The following EHMT1 variants were observed in gnomAD, a reference collection of about 807,000 sequenced individuals.
EHMT1 encodes euchromatic histone lysine methyltransferase 1.
In EHMT1, 15 loss-of-function variants were observed where a neutral mutation model predicts 147.2. The ratio of observed to expected loss-of-function variants is 0.10; its 90% CI spans 0.07 to 0.16. The LOEUF (loss-of-function observed/expected upper bound fraction) is 0.16. Among genes scored for constraint, EHMT1 ranks in the 10% least tolerant of loss-of-function variants. The probability of loss-of-function intolerance (pLI) is 1.00; values close to 1 mark genes in which losing one functional copy is unlikely to be tolerated. For synonymous variants in EHMT1, 795 were observed against 709.6 expected (o/e 1.12, Z -1.91); for missense variants, 1,587 against 1,772.4 (o/e 0.90, Z 1.88).
chr9:137,782,325 C>G lies in EHMT1; in HGVS notation c.2310C>G (p.His770Gln). The stretch of plus-strand genomic sequence containing the variant: ...TTGACCCCAACTTCAAAATGGAGCA[C>G]CAGAATAAGCGCTCTCCACTGCACG... The part of the protein sequence containing the change: ...DGIDPNFKME[H>Q]QNKRSPLHAA... Residue 770 changes from histidine (H) to glutamine (Q), a missense_variant, in exon 15 of 27, where the codon CAC becomes CAG. This residue lies in a region of EHMT1 where 201 missense variants were observed against 350.1 expected (regional missense o/e 0.57). Coordinates refer to ENST00000460843, the MANE Select transcript of EHMT1 (RefSeq NM_024757.5). This position sits in a 1 kb window ranked among gnomAD's most constrained non-coding sequence, Gnocchi z 5.7. The G allele has an allele frequency of 1.2e-6, 2 of 1,613,670 alleles. No individual in the cohort carries two copies. The highest frequency in any genetic ancestry group is 2.2e-5 in the South Asian group (2 of 91,058).
chr9:137,648,703 G>A (rs577646982), intron 1 of EHMT1, among the ~76,000 whole-genome samples: 1 of 152,268 alleles, frequency 6.6e-6, no homozygotes, highest in Admixed American at 6.5e-5. Context: ...AAACATGTTA[G>A]TTCTCCCAAG....
At chr9:137,664,538 C>T (rs1177195538) in intron 1 of EHMT1, among the ~76,000 whole-genome samples, 3 of 151,802 alleles carry the variant, frequency 2.0e-5, no homozygotes, top group East Asian at 3.9e-4. Context: ...GGATTACAGG[C>T]GTGAGCAACT....
Position 137,786,373 on chromosome 9 carries a change from A to C in EHMT1, c.2382+3976A>C, listed in dbSNP as rs1951966367. 6.6e-6 allele frequency: 1 copy of C among 152,188 alleles called. No homozygotes were observed. The highest frequency in any genetic ancestry group is 1.5e-5 in the Non-Finnish European group (1 of 68,062). The allele number at this position is 152,188 out of a possible 1,614,324, so 9.4% of individuals were successfully genotyped here. A position where few individuals can be genotyped will look rare whatever the true frequency, so the allele number is the denominator to read the frequency against. On this transcript the variant is annotated intron_variant, in intron 15 of 26. Coordinates refer to ENST00000460843, the MANE Select transcript of EHMT1 (RefSeq NM_024757.5). This position sits in a 1 kb window ranked among gnomAD's most constrained non-coding sequence, Gnocchi z 4.3. Reference sequence around the variant, plus strand: ...AGCGGTTTTCCTGAGATTCTCCAGGAAGAGAGAGAGATTGGCTTTATCTCT... The same window carrying C: ...AGCGGTTTTCCTGAGATTCTCCAGGCAGAGAGAGAGATTGGCTTTATCTCT...
intron 1 of EHMT1, among the ~76,000 whole-genome samples, chr9:137,635,486 A>AT (rs1400564034): frequency 6.8e-6 from 1 of 147,148 alleles, no homozygotes; most frequent in Non-Finnish European, 1.5e-5. Flanking sequence ...AAGTGTTGGG[A>AT]TTACAGGCAT....
At chr9:137,833,900 C>T (rs990124664) in intron 25 of EHMT1, among the ~76,000 whole-genome samples, 17 of 152,256 alleles carry the variant, frequency 1.1e-4, no homozygotes, top group African/African-American at 3.6e-4. Context: ...TCCTCGTCAC[C>T]AAGACAGTGT....
chr9:137,758,942 A>G (rs111322490), intron 9 of EHMT1, among the ~76,000 whole-genome samples: 1 of 152,274 alleles, frequency 6.6e-6, no homozygotes, highest in Non-Finnish European at 1.5e-5. Context: ...CCTGGCTGAC[A>G]TGATGAAACC....
chr9:137,670,971 C>T (rs893591793), intron 1 of EHMT1, among the ~76,000 whole-genome samples: 3 of 152,166 alleles, frequency 2.0e-5, no homozygotes, highest in Non-Finnish European at 4.4e-5. Flanking sequence ...TTGGCTTTGT[C>T]ATCGTCCACT....
chr9:137,708,477 AT>A (rs1268237784), intron 1 of EHMT1, among the ~76,000 whole-genome samples: 1 of 152,196 alleles, frequency 6.6e-6, no homozygotes, highest in African/African-American at 2.4e-5. Context: ...GGCACTGGGC[AT>A]TTGGGGAGTG....
chr9:137,778,120 TC>T, intron 13 of EHMT1, 65 bp downstream of exon 13: 1 of 1,598,864 alleles, frequency 6.3e-7, no homozygotes. Flanking sequence ...CCCGCGTTTT[TC>T]CCCATGGTGT....
chr9:137,797,090 G>A lies in EHMT1; in HGVS notation c.2506-1723G>A, dbSNP rs144023254. On this transcript the variant is annotated intron_variant, in intron 16 of 26. Coordinates refer to ENST00000460843, the MANE Select transcript of EHMT1 (RefSeq NM_024757.5). The stretch of plus-strand genomic sequence containing the variant: ...GAGATCCGTGGGAATGATGAGTAAC[G>A]AATTCAGGATAGTGATAACTTCTCG... Among the ~76,000 whole-genome samples, 550 of 152,150 alleles carry A rather than the reference G, an allele frequency of 3.6e-3. 3 individuals are homozygous for A. Among genetic ancestry groups the A allele is most frequent in the African/African-American group, 0.012 (512 of 41,512 alleles).
chr9:137,687,010 T>C (rs1942511428), intron 1 of EHMT1, among the ~76,000 whole-genome samples: 1 of 152,182 alleles, frequency 6.6e-6, no homozygotes, highest in African/African-American at 2.4e-5. Context: ...ATTACAGGCA[T>C]GAGCCACCGC....
chr9:137,778,739 T>C (rs928509819), intron 13 of EHMT1, among the ~76,000 whole-genome samples: 5 of 152,164 alleles, frequency 3.3e-5, no homozygotes, highest in Non-Finnish European at 7.3e-5. Context: ...CCCTTGGTGA[T>C]TGTGTTAGTC....
intron 2 of EHMT1, 130 bp downstream of exon 2, chr9:137,711,160 C>A: frequency 1.1e-6 from 1 of 883,330 alleles, no homozygotes; most frequent in Non-Finnish European, 1.7e-6. Flanking sequence ...GGTATAGTTT[C>A]TAATCTATCC....
At chr9:137,693,226 A>G (rs1943092112) in intron 1 of EHMT1, among the ~76,000 whole-genome samples, 1 of 152,140 alleles carries the variant, frequency 6.6e-6, no homozygotes, top group African/African-American at 2.4e-5. Context: ...TGAACAGTTC[A>G]AGTTAGCGGG....
Position 137,813,118 on chromosome 9 carries a change from G to C in EHMT1, c.2980G>C (p.Ala994Pro), listed in dbSNP as rs779016395. 2 of 1,613,114 alleles carry C rather than the reference G, an allele frequency of 1.2e-6. No individual in the cohort carries two copies. The highest frequency in any genetic ancestry group is 1.3e-5 in the African/African-American group (1 of 75,056). Residue 994 changes from alanine (A) to proline (P), a missense_variant, in exon 20 of 27, where the codon GCT becomes CCT. By Grantham distance (27) the Ala-to-Pro change is conservative (BLOSUM62 -1). This residue lies in a region of EHMT1 where 78 missense variants were observed against 68.9 expected (regional missense o/e 1.13). Coordinates refer to ENST00000460843, the MANE Select transcript of EHMT1 (RefSeq NM_024757.5). This position sits in a 1 kb window ranked among gnomAD's most constrained non-coding sequence, Gnocchi z 4.9. ...GTGGAGCGCTCTGCAGATGAGCAAGGCTCTGCAGGACTCGGCCCCCGACAG... is the reference window on the plus strand; with the variant it reads ...GTGGAGCGCTCTGCAGATGAGCAAGCCTCTGCAGGACTCGGCCCCCGACAG... ...QVWSALQMSK[A>P]LQDSAPDRPS...
At chr9:137,707,706 A>G (rs990173325) in intron 1 of EHMT1, among the ~76,000 whole-genome samples, 1 of 152,190 alleles carries the variant, frequency 6.6e-6, no homozygotes, top group Non-Finnish European at 1.5e-5. Context: ...ACAAAACTTA[A>G]TTTCGTGGGT....
At chr9:137,793,859 A>C (rs578063979) in intron 16 of EHMT1, among the ~76,000 whole-genome samples, 1 of 152,324 alleles carries the variant, frequency 6.6e-6, no homozygotes, top group Admixed American at 6.5e-5. Context: ...GACAGAAAGT[A>C]GACTGGAGAT....
rs180697154 is a variant in EHMT1, at chr9:137,754,576, G to A, written c.1369+285G>A. 5.3e-5 allele frequency among the ~76,000 whole-genome samples: 8 copies of A among 151,938 alleles called. No homozygotes were observed. In the East Asian group the frequency reaches 1.5e-3, roughly 29 times the overall value. On this transcript the variant is annotated intron_variant, in intron 8 of 26. Transcript: ENST00000460843. The stretch of plus-strand genomic sequence containing the variant: ...TACCCAGGCTGGAGCGCAGTGGCAC[G>A]ATCTCAGCTCACTGCAGCTTCCACC...
chr9:137,735,038 T>C (rs1947414108), intron 4 of EHMT1, among the ~76,000 whole-genome samples: 1 of 152,224 alleles, frequency 6.6e-6, no homozygotes, highest in Admixed American at 6.5e-5. Flanking sequence ...AAAGCTAGTA[T>C]TGTAACAGTG....
Sources: gnomAD v4.1 joint callset for allele counts (sites outside exome capture counted in the v4.1 genomes callset) on GRCh38, gnomAD v4.1.1 for gene constraint, gnomAD v4.1.1 regional missense constraint, Gnocchi (gnomAD v3.1) non-coding constraint, MANE v1.5 for transcripts, NCBI Gene and HGNC (gene_info 2026-07-23, HGNC 2026-07-21) for gene names.